Variants in DOCK8 observed in about 807,000 individuals in gnomAD.
The protein encoded by DOCK8 is dedicator of cytokinesis protein 8.
In DOCK8, 141 loss-of-function variants were observed where a neutral mutation model predicts 245.6. The observed-to-expected ratio is 0.57, with a 90% confidence interval of 0.50 to 0.66. The LOEUF is 0.66. Among genes scored for constraint, DOCK8 ranks in the 30% least tolerant of loss-of-function variants. The pLI, the probability that DOCK8 is intolerant of heterozygous loss-of-function variation, is 0.00. For missense variants in DOCK8, 2,965 were observed against 2,603.4 expected, an observed-to-expected ratio of 1.14 and a Z score of -3.02; for synonymous variants, 1,168 against 970.2, an observed-to-expected ratio of 1.20 and a Z score of -3.79.
At chr9:262,638 G>C in intron 1 of DOCK8, among the ~76,000 whole-genome samples, 1 of 151,666 alleles carries the variant, frequency 6.6e-6, no homozygotes, top group Non-Finnish European at 1.5e-5. Context: ...AGGATCTACA[G>C]TGACAGAAAG....
chr9:432,254 G>A lies in DOCK8; in HGVS notation c.4715G>A (p.Arg1572Lys). 1 of 1,613,888 alleles carries A rather than the reference G, an allele frequency of 6.2e-7. No individual in the cohort carries two copies. Among genetic ancestry groups the A allele is most frequent in the Non-Finnish European group, 8.5e-7 (1 of 1,180,012 alleles). The change falls in exon 37 of 48, where the codon AGA (arginine) becomes AAA (lysine). Residue 1572 changes from arginine (R) to lysine (K), a missense_variant. Arg to Lys is a conservative substitution (Grantham distance 26). Around this residue, in one of 3 missense-constraint regions of DOCK8, gnomAD observed 2,825 missense variants for 2,453.5 expected, o/e 1.15. Transcript: ENST00000432829. ...GACTTTAATGAAGAGCACCTGAGAA[G>A]ATCCTTGAGGACAATTTTGGCCTAT... ...APDFNEEHLRRSLRTILAYSE... is the reference protein window; with the variant it reads ...APDFNEEHLRKSLRTILAYSE...
rs189711349 is a variant in DOCK8 at position 463,592 on chromosome 9, G to C, written c.6144G>C (p.Lys2048Asn). 1 of 1,614,106 alleles carries C rather than the reference G, an allele frequency of 6.2e-7. No individual in the cohort carries two copies. Among genetic ancestry groups the C allele is most frequent in the East Asian group, 2.2e-5 (1 of 44,892 alleles). ...DQREYQQELK[K>N]NYNKLKENLR... ...GGGAATATCAGCAGGAACTCAAAAA[G>C]AACTATAACAAGCTAAAAGAGAACC... The change falls in exon 47 of 48, where the codon AAG (lysine) becomes AAC (asparagine). Residue 2048 changes from lysine (K) to asparagine (N), a missense_variant. Lys to Asn is a moderately conservative substitution (Grantham distance 94). This residue lies in a region of DOCK8 where 134 missense variants were observed against 128.1 expected (regional missense o/e 1.05). Transcript: ENST00000432829.
intron 2 of DOCK8, among the ~76,000 whole-genome samples, chr9:273,618 C>T (rs2048227549): frequency 6.6e-6 from 1 of 151,866 alleles, no homozygotes; most frequent in Admixed American, 6.6e-5. Context: ...GTGTGGACAT[C>T]ACTCCTAAGA....
chr9:236,001 G>A (rs1426702263), intron 1 of DOCK8, among the ~76,000 whole-genome samples: 1 of 152,194 alleles, frequency 6.6e-6, no homozygotes, highest in Non-Finnish European at 1.5e-5. Flanking sequence ...CGCTCACGCT[G>A]GGAGCTGTAG....
chr9:279,507 T>C (rs7865883), intron 2 of DOCK8, among the ~76,000 whole-genome samples: 7,950 of 152,190 alleles, frequency 0.052, 428 homozygotes, highest in African/African-American at 0.14. Context: ...ATCTGTAAAA[T>C]AGAGGAACGA....
chr9:279,302 A>T (rs1170605243), intron 2 of DOCK8, among the ~76,000 whole-genome samples: 1 of 152,208 alleles, frequency 6.6e-6, no homozygotes, highest in Non-Finnish European at 1.5e-5. Context: ...AGTGATGTTG[A>T]GGTGTAATTG....
chr9:212,274 G>A (rs529854234), upstream of DOCK8, among the ~76,000 whole-genome samples: 11 of 152,304 alleles, frequency 7.2e-5, no homozygotes, highest in East Asian at 2.1e-3. Flanking sequence ...TTCTGGGGAG[G>A]TAAGAAGAAG....
intron 1 of DOCK8, among the ~76,000 whole-genome samples, chr9:262,289 A>G (rs1306451691): frequency 3.3e-5 from 5 of 151,922 alleles, no homozygotes; most frequent in Non-Finnish European, 2.9e-5. Flanking sequence ...TTATGGGAGT[A>G]TACAACCATG....
chr9:445,655 C>T (rs552977696), intron 43 of DOCK8, among the ~76,000 whole-genome samples: 4 of 151,412 alleles, frequency 2.6e-5, no homozygotes, highest in South Asian at 2.1e-4. Flanking sequence ...CCTTCCTTTC[C>T]GTTGCTGAGT....
intron 46 of DOCK8, among the ~76,000 whole-genome samples, chr9:455,656 T>C (rs2057613886): frequency 6.6e-6 from 1 of 152,124 alleles, no homozygotes; most frequent in South Asian, 2.1e-4. Flanking sequence ...GATTGCTTAA[T>C]TTCCTCCCTT....
chr9:378,921 T>G (rs1488446814), intron 20 of DOCK8, among the ~76,000 whole-genome samples: 1 of 152,190 alleles, frequency 6.6e-6, no homozygotes, highest in Admixed American at 6.5e-5. Flanking sequence ...GGCTGGAGAA[T>G]CATGTAACTC....
At chr9:224,810 C>G (rs1241590374) in intron 1 of DOCK8, among the ~76,000 whole-genome samples, 1 of 152,164 alleles carries the variant, frequency 6.6e-6, no homozygotes, top group African/African-American at 2.4e-5. Context: ...AGTCCACTTT[C>G]ACCTATGCAA....
upstream of DOCK8, among the ~76,000 whole-genome samples, chr9:212,427 G>A (rs756356152): frequency 6.6e-5 from 10 of 152,180 alleles, no homozygotes; most frequent in Non-Finnish European, 1.3e-4. Context: ...ACCATCAGAT[G>A]CGGAAAGAAG....
At chr9:243,509 T>C (rs1243278302) in intron 1 of DOCK8, among the ~76,000 whole-genome samples, 2 of 152,164 alleles carry the variant, frequency 1.3e-5, no homozygotes, top group Non-Finnish European at 2.9e-5. Context: ...TCTTGGCCTC[T>C]TTGCTGAGAT....
chr9:319,340 G>T (rs2050484124), intron 7 of DOCK8, among the ~76,000 whole-genome samples: 1 of 152,196 alleles, frequency 6.6e-6, no homozygotes, highest in Non-Finnish European at 1.5e-5. Context: ...GTAAAGTGCA[G>T]TTTCTAGTGA....
At chr9:311,881 A>C in intron 5 of DOCK8, 73 bp from the exon 6 acceptor site, 4 of 1,567,554 alleles carry the variant, frequency 2.6e-6, no homozygotes, top group Non-Finnish European at 2.6e-6. Flanking sequence ...CAGTCTTGAG[A>C]CATCCAAGAT....
intron 45 of DOCK8, among the ~76,000 whole-genome samples, chr9:450,698 G>GAA (rs961154955): frequency 2.0e-5 from 3 of 151,898 alleles, no homozygotes; most frequent in African/African-American, 7.3e-5. Context: ...ACAGAGAAGA[G>GAA]AAATGCCTAT....
chr9:400,055 CCACCTCCTTCACCATCACCAT>C (rs1263079757), intron 26 of DOCK8, among the ~76,000 whole-genome samples: 32 of 108,436 alleles, frequency 3.0e-4, no homozygotes, highest in African/African-American at 9.1e-4. Flanking sequence ...TCCACCATCA[CCACCTCCTTCACCATCACCAT>C]CACCACCACC....
In DOCK8 at chr9:215,052, C is replaced by T. The variant is rs778809812; in HGVS notation, c.53+23C>T. On this transcript the variant is annotated intron_variant, in intron 1 of 47. Transcript: ENST00000432829. ...CAGGTAAGACGCCCCCCGCGGCGCG[C>T]AGGTTGCGGCCGGACAGCCCAGCGC... 3.8e-6 allele frequency: 6 copies of T among 1,562,340 alleles called. No individual in the cohort carries two copies. The highest frequency in any genetic ancestry group is 5.2e-6 in the Non-Finnish European group (6 of 1,162,428).
Sources: gnomAD v4.1 joint callset for allele counts (sites outside exome capture counted in the v4.1 genomes callset) on GRCh38, gnomAD v4.1.1 for gene constraint, gnomAD v4.1.1 regional missense constraint, MANE v1.5 for transcripts, NCBI Gene and HGNC (gene_info 2026-07-23, HGNC 2026-07-21) for gene names.